The following SYT6 variants were observed in gnomAD, a reference collection of about 807,000 sequenced individuals.
SYT6 encodes synaptotagmin 6.
Under a neutral mutation model 38.4 loss-of-function variants are expected in SYT6, and 24 were observed. The ratio of observed to expected loss-of-function variants is 0.62; its 90% confidence interval spans 0.45 to 0.88. SYT6 has a LOEUF of 0.88. Ranked by LOEUF, SYT6 falls within the 40% of genes least tolerant of loss-of-function variation. SYT6 has a pLI of 0.00. For synonymous variants in SYT6, 265 were observed against 241.9 expected, an observed-to-expected ratio of 1.10 and a Z score of -0.89; for missense variants, 611 against 621.0, an observed-to-expected ratio of 0.98 and a Z score of 0.17.
At chr1:114,147,345 C>T (rs544731429) in intron 1 of SYT6, among the ~76,000 whole-genome samples, 56 of 152,350 alleles carry the variant, frequency 3.7e-4, no homozygotes, top group Middle Eastern at 3.4e-3. Flanking sequence ...TAATTGAGAA[C>T]ATCCTATGTT....
intron 3 of SYT6, among the ~76,000 whole-genome samples, chr1:114,128,873 C>T (rs1677910739): frequency 1.3e-5 from 2 of 152,206 alleles, no homozygotes; most frequent in South Asian, 2.1e-4. Flanking sequence ...TCTATCTAAA[C>T]TTATTCCACT....
At chr1:114,129,276 C>T (rs1040675225) in intron 3 of SYT6, among the ~76,000 whole-genome samples, 1 of 152,252 alleles carries the variant, frequency 6.6e-6, no homozygotes, top group Non-Finnish European at 1.5e-5. Context: ...CTATTTTCAT[C>T]TCTTTTTTAA....
chr1:114,130,364 A>G (rs1281360120), intron 3 of SYT6, among the ~76,000 whole-genome samples: 1 of 152,350 alleles, frequency 6.6e-6, no homozygotes, highest in East Asian at 1.9e-4. Context: ...CAGATGCTCA[A>G]ACAGGTCATT....
intron 3 of SYT6, among the ~76,000 whole-genome samples, chr1:114,136,118 C>CAT (rs1678469562): frequency 6.6e-6 from 1 of 152,188 alleles, no homozygotes; most frequent in Non-Finnish European, 1.5e-5. Context: ...TGGTCAAAGT[C>CAT]AGCACAAGCT....
At chr1:114,118,566 G>A (rs1297749258) in intron 3 of SYT6, among the ~76,000 whole-genome samples, 1 of 152,238 alleles carries the variant, frequency 6.6e-6, no homozygotes, top group African/African-American at 2.4e-5. Flanking sequence ...TGGCATCTGG[G>A]GAGGCCACAG....
At chr1:114,151,301 T>C (rs1036039461) in intron 1 of SYT6, among the ~76,000 whole-genome samples, 1 of 152,186 alleles carries the variant, frequency 6.6e-6, no homozygotes, top group Admixed American at 6.5e-5. Flanking sequence ...CTGGGCTTCC[T>C]GGGACTTGTG....
intron 3 of SYT6, among the ~76,000 whole-genome samples, chr1:114,124,931 G>C (rs968127502): frequency 5.3e-5 from 8 of 152,238 alleles, no homozygotes; most frequent in African/African-American, 1.9e-4. Flanking sequence ...TACCCTGCAA[G>C]GCAGGGGTGA....
chr1:114,096,581 T>G (rs1675655038), intron 6 of SYT6, among the ~76,000 whole-genome samples: 1 of 152,094 alleles, frequency 6.6e-6, no homozygotes, highest in South Asian at 2.1e-4. Context: ...CTGAGACACC[T>G]CAGCCTGCCA....
At chr1:114,125,168 C>T (rs545922000) in intron 3 of SYT6, among the ~76,000 whole-genome samples, 1 of 152,332 alleles carries the variant, frequency 6.6e-6, no homozygotes, top group Admixed American at 6.5e-5. Context: ...GACCCATGGT[C>T]GAGGATGTTG....
At chr1:114,152,069 TCACA>T (rs1174583680) in intron 1 of SYT6, 2 of 152,014 alleles carry the variant, frequency 1.3e-5, no homozygotes, top group Non-Finnish European at 2.9e-5. Flanking sequence ...TACAGCCCCC[TCACA>T]CACACAAGCC....
intron 3 of SYT6, among the ~76,000 whole-genome samples, chr1:114,134,136 A>G (rs1350500164): frequency 6.6e-6 from 1 of 152,172 alleles, no homozygotes; most frequent in African/African-American, 2.4e-5. Context: ...CCTTCTGCTC[A>G]GCATGCGGGT....
chr1:114,105,101 G>A (rs913687169), intron 3 of SYT6, among the ~76,000 whole-genome samples: 1 of 152,028 alleles, frequency 6.6e-6, no homozygotes, highest in African/African-American at 2.4e-5. Flanking sequence ...AAGTTAGATA[G>A]TCAAAAGTAT....
At position 114,097,824 on chromosome 1, in the gene SYT6, C is replaced by G; in HGVS notation, c.1418G>C (p.Gly473Ala). Reference protein sequence around the residue: ...GVCRVGITAEGLGRDHWNEML... With the variant: ...GVCRVGITAEALGRDHWNEML... ...CTCGTTCCAGTGGTCCCTGCCCAGG[C>G]CTTCAGCAGTGATCCCCACACGACA... The change falls in exon 6 of 8, where the codon GGC becomes GCC. Residue 473 changes from glycine to alanine, a missense_variant. Gly to Ala is a moderately conservative substitution (Grantham distance 60). Transcript: ENST00000610222. 6.2e-7 allele frequency: 1 copy of G among 1,614,122 alleles called. No individual in the cohort carries two copies. The highest frequency in any genetic ancestry group is 8.5e-7 in the Non-Finnish European group (1 of 1,180,022).
intron 1 of SYT6, among the ~76,000 whole-genome samples, chr1:114,144,646 A>G (rs1679061699): frequency 6.6e-6 from 1 of 152,226 alleles, no homozygotes; most frequent in Non-Finnish European, 1.5e-5. Flanking sequence ...ATTTCAATTA[A>G]GGTCAAGCAA....
At chr1:114,122,144 G>A (rs1367059617) in intron 3 of SYT6, among the ~76,000 whole-genome samples, 1 of 152,210 alleles carries the variant, frequency 6.6e-6, no homozygotes, top group Non-Finnish European at 1.5e-5. Flanking sequence ...GCGTGGCCTT[G>A]AAGGTGCTGC....
At chr1:114,150,345 TA>T (rs1186947822) in intron 1 of SYT6, among the ~76,000 whole-genome samples, 1 of 152,226 alleles carries the variant, frequency 6.6e-6, no homozygotes. Flanking sequence ...ACCCTGCTTC[TA>T]GAACTCTAAA....
At chr1:114,147,063 T>C (rs1044525825) in intron 1 of SYT6, among the ~76,000 whole-genome samples, 23 of 152,258 alleles carry the variant, frequency 1.5e-4, no homozygotes, top group Admixed American at 1.5e-3. Context: ...CCATTGAACA[T>C]TAATCAACAG....
chr1:114,102,272 G>T (rs949706525), intron 4 of SYT6, among the ~76,000 whole-genome samples: 1 of 152,200 alleles, frequency 6.6e-6, no homozygotes, highest in African/African-American at 2.4e-5. Context: ...CTGACTTGCT[G>T]CTGCCTAAGC....
At chr1:114,134,479 G>T (rs1331159794) in intron 3 of SYT6, among the ~76,000 whole-genome samples, 2 of 152,182 alleles carry the variant, frequency 1.3e-5, no homozygotes, top group Non-Finnish European at 2.9e-5. Context: ...GTCAAATGTG[G>T]GTCACAAGCC....
Sources: gnomAD v4.1 joint callset for allele counts (sites outside exome capture counted in the v4.1 genomes callset) on GRCh38, gnomAD v4.1.1 for gene constraint, MANE v1.5 for transcripts, NCBI Gene and HGNC (gene_info 2026-07-23, HGNC 2026-07-21) for gene names.